Variants in ILDR2 observed in about 807,000 individuals in gnomAD.
ILDR2 encodes immunoglobulin-like domain-containing receptor 2.
Under a neutral mutation model 66.8 loss-of-function variants are expected in ILDR2, and 25 were observed. That is an observed-to-expected ratio of 0.37 (90% CI 0.27 to 0.52). ILDR2 has a LOEUF of 0.52. ILDR2 is among the 20% of genes least tolerant of loss of function. ILDR2 has a pLI of 0.88. For missense variants in ILDR2, 827 were observed against 876.8 expected (o/e 0.94, Z 0.72); for synonymous variants, 367 against 357.2 (o/e 1.03, Z -0.31).
Position 166,910,862 on chromosome 1 carries a change from C to T in ILDR2, c.*8493G>A, listed in dbSNP as rs368462543. 2 of 152,130 alleles carry T rather than the reference C, an allele frequency of 1.3e-5. No homozygotes were observed. Among genetic ancestry groups the T allele is most frequent in the East Asian group, 1.9e-4 (1 of 5,200 alleles). The allele number at this position is 152,130 out of a possible 1,614,324, so 9.4% of individuals were successfully genotyped here. On this transcript the variant is annotated 3_prime_UTR_variant, in exon 10 of 10. Transcript: ENST00000271417. Reference sequence around the variant, plus strand: ...AGGGAAAAATGAATTATTTGTTTTGCCTAATTTTAATCCATCCTATGAGTC... The same window carrying T: ...AGGGAAAAATGAATTATTTGTTTTGTCTAATTTTAATCCATCCTATGAGTC...
chr1:166,971,484 A>C (rs796791768), intron 1 of ILDR2, among the ~76,000 whole-genome samples: 5 of 152,222 alleles, frequency 3.3e-5, no homozygotes, highest in African/African-American at 1.2e-4. Context: ...GTTTTGAGAC[A>C]AGGTCTCACT....
intron 2 of ILDR2, among the ~76,000 whole-genome samples, chr1:166,897,724 C>T (rs1436708241): frequency 6.6e-6 from 1 of 152,214 alleles, no homozygotes; most frequent in Admixed American, 6.5e-5. Flanking sequence ...GGAAGAGTGA[C>T]ACATTCTGAG....
chr1:166,969,283 C>A (rs1663141496), intron 1 of ILDR2, among the ~76,000 whole-genome samples: 1 of 152,152 alleles, frequency 6.6e-6, no homozygotes, highest in African/African-American at 2.4e-5. Context: ...TTATTCAGCA[C>A]CACTTTCTGT....
intron 9 of ILDR2, among the ~76,000 whole-genome samples, chr1:166,920,170 T>G (rs190247686): frequency 6.6e-6 from 1 of 152,266 alleles, no homozygotes; most frequent in African/African-American, 2.4e-5. Context: ...TTACACTCAA[T>G]AAAACATCAA....
chr1:166,964,885 A>G (rs1371567118), intron 1 of ILDR2, among the ~76,000 whole-genome samples: 1 of 152,204 alleles, frequency 6.6e-6, no homozygotes, highest in Non-Finnish European at 1.5e-5. Flanking sequence ...TATTTTTAGC[A>G]CTTTCATTTT....
At chr1:166,900,318 A>G (rs911917063) in intron 2 of ILDR2, among the ~76,000 whole-genome samples, 1 of 151,912 alleles carries the variant, frequency 6.6e-6, no homozygotes, top group African/African-American at 2.4e-5. Context: ...GCCCTCTTCA[A>G]AAACCCTGAG....
intron 6 of ILDR2, among the ~76,000 whole-genome samples, chr1:166,930,585 A>C (rs1660579507): frequency 6.6e-6 from 1 of 152,212 alleles, no homozygotes; most frequent in Non-Finnish European, 1.5e-5. Context: ...TCCTGGTAGA[A>C]TCTGGCTCTA....
At chr1:166,926,022 G>A (rs1660258595) in intron 7 of ILDR2, among the ~76,000 whole-genome samples, 1 of 152,166 alleles carries the variant, frequency 6.6e-6, no homozygotes, top group Admixed American at 6.5e-5. Flanking sequence ...ATCTGGAAAT[G>A]GTCTTTTTAT....
chr1:166,909,680 T>C lies in ILDR2; in HGVS notation c.*9675A>G, dbSNP rs529541331. On this transcript the variant is annotated 3_prime_UTR_variant, in exon 10 of 10. Coordinates refer to ENST00000271417, the MANE Select transcript of ILDR2 (RefSeq NM_199351.3). ...AACTACATTCAGTTGAACAAAGCGT[T>C]TTTCCAAAAACAAGGTTAATAGAAA... is the stretch of plus-strand genomic sequence containing the variant. 1 of 147,926 alleles carries C rather than the reference T, an allele frequency of 6.8e-6. No homozygotes were observed. Among genetic ancestry groups the C allele is most frequent in the African/African-American group, 2.5e-5 (1 of 40,124 alleles). 9.2% of individuals were successfully genotyped at this position (147,926 alleles called of 1,614,324 possible). A position where few individuals can be genotyped will look rare whatever the true frequency, so the allele number is the denominator to read the frequency against.
intron 3 of ILDR2, among the ~76,000 whole-genome samples, chr1:166,945,311 A>C (rs190632619): frequency 2.0e-5 from 3 of 152,292 alleles, no homozygotes; most frequent in African/African-American, 7.2e-5. Context: ...CAGGCATACT[A>C]ATACTTTGTA....
intron 3 of ILDR2, among the ~76,000 whole-genome samples, chr1:166,941,155 C>A (rs541644053): frequency 4.4e-4 from 67 of 152,244 alleles, no homozygotes; most frequent in Non-Finnish European, 8.8e-4. Context: ...AGAGTATATT[C>A]CAAGGTAAGG....
intron 4 of ILDR2, among the ~76,000 whole-genome samples, chr1:166,938,012 AAAC>A (rs1309555548): frequency 6.6e-6 from 1 of 152,232 alleles, no homozygotes; most frequent in South Asian, 2.1e-4. Flanking sequence ...GAGAGGAAAC[AAAC>A]AACATGTTTC....
chr1:166,920,749 G>T lies in ILDR2; in HGVS notation c.1842C>A (p.Ser614Arg). 1 of 1,469,050 alleles carries T rather than the reference G, an allele frequency of 6.8e-7. No individual in the cohort carries two copies. Among genetic ancestry groups the T allele is most frequent in the African/African-American group, 1.5e-5 (1 of 67,774 alleles). 91.0% of individuals were successfully genotyped at this position (1,469,050 alleles called of 1,614,324 possible). A position where few individuals can be genotyped will look rare whatever the true frequency, so the allele number is the denominator to read the frequency against. The change falls in exon 9 of 10, where the codon AGC (serine) becomes AGA (arginine). Residue 614 changes from serine to arginine, a missense_variant. By Grantham distance (110) the Ser-to-Arg change is moderately radical. Around this residue, in one of 2 missense-constraint regions of ILDR2, gnomAD observed 390 missense variants for 353.6 expected, o/e 1.10. Transcript: ENST00000271417. ...CCTTTTTCCTCTTCTTCTCCGAGTTGCTGTGGTAGGGCAGGTCGCGGCCGC... is the reference window on the plus strand; with the variant it reads ...CCTTTTTCCTCTTCTTCTCCGAGTTTCTGTGGTAGGGCAGGTCGCGGCCGC... Reference protein sequence around the residue: ...SYRGRDLPYHSNSEKKRKKEP... With the variant: ...SYRGRDLPYHRNSEKKRKKEP...
In ILDR2 at chr1:166,933,488, T is replaced by A; in HGVS notation, c.880+1813A>T. The A allele has an allele frequency of 7.6e-6, 7 of 916,830 alleles. No individual in the cohort carries two copies. The South Asian group carries it at 3.0e-4, about 39-fold the overall frequency. The allele number at this position is 916,830 out of a possible 1,614,324, so 56.8% of individuals were successfully genotyped here. ...CTGTTCTATTAACCAACCCTGGAAC[T>A]ACCTTACCTTGACATTTCTATTTTA... On this transcript the variant is annotated intron_variant, in intron 6 of 9. Coordinates refer to ENST00000271417, the MANE Select transcript of ILDR2 (RefSeq NM_199351.3).
chr1:166,965,379 G>A (rs540993015), intron 1 of ILDR2, among the ~76,000 whole-genome samples: 12 of 151,826 alleles, frequency 7.9e-5, no homozygotes, highest in Non-Finnish European at 1.6e-4. Flanking sequence ...TAATAATTTT[G>A]TATATGAAAC....
chr1:166,898,770 A>C (rs561131662), intron 2 of ILDR2, among the ~76,000 whole-genome samples: 1 of 152,312 alleles, frequency 6.6e-6, no homozygotes, highest in African/African-American at 2.4e-5. Flanking sequence ...AAACAAAGAC[A>C]AAAAGGAGGC....
At chr1:166,901,953 C>T (rs550345347) in intron 2 of ILDR2, among the ~76,000 whole-genome samples, 59 of 152,320 alleles carry the variant, frequency 3.9e-4, no homozygotes, top group African/African-American at 1.2e-3. Context: ...CTCCGCCTCC[C>T]GGGTTCAGGC....
chr1:166,966,661 A>G (rs1261236172), intron 1 of ILDR2, among the ~76,000 whole-genome samples: 2 of 152,142 alleles, frequency 1.3e-5, no homozygotes, highest in Non-Finnish European at 2.9e-5. Flanking sequence ...TTTCTGTCTC[A>G]TTTGCCTCAT....
At chr1:166,957,548 T>C (rs1364412176) in intron 2 of ILDR2, among the ~76,000 whole-genome samples, 3 of 152,190 alleles carry the variant, frequency 2.0e-5, no homozygotes, top group Non-Finnish European at 4.4e-5. Context: ...CCAAAGTTCA[T>C]CTGTATGTCT....
Sources: gnomAD v4.1 joint callset for allele counts (sites outside exome capture counted in the v4.1 genomes callset) on GRCh38, gnomAD v4.1.1 for gene constraint, gnomAD v4.1.1 regional missense constraint, MANE v1.5 for transcripts, NCBI Gene and HGNC (gene_info 2026-07-23, HGNC 2026-07-21) for gene names.